Variants in DYNLT5 observed in about 807,000 individuals in gnomAD.
DYNLT5 encodes dynein light chain Tctex-type 5.
DYNLT5 carries 25 observed loss-of-function variants against 19.3 expected under a neutral mutation model. The observed-to-expected ratio is 1.30, with a 90% CI of 0.95 to 1.81. The LOEUF (loss-of-function observed/expected upper bound fraction) is 1.81. Ranked by LOEUF, DYNLT5 falls within the 40% of genes most tolerant of loss-of-function variation. DYNLT5 has a pLI of 0.00. For synonymous variants in DYNLT5, 82 were observed against 68.9 expected (o/e 1.19, Z -0.94); for missense variants, 232 against 217.9 (o/e 1.06, Z -0.41).
At chr1:66,772,512 T>G (rs897210048) in intron 3 of DYNLT5, among the ~76,000 whole-genome samples, 43 of 152,270 alleles carry the variant, frequency 2.8e-4, no homozygotes, top group African/African-American at 1.0e-3. Context: ...CATTTCAATA[T>G]GAGATTTGAA....
At position 66,769,683 on chromosome 1, in the gene DYNLT5, G is replaced by A. The variant is rs560267388; in HGVS notation, c.120-704G>A. ...TACAGCTGAATTTCCTCTGAACTAA[G>A]TTGAATTAAGTAGTGCTGGAGAGAC... On this transcript the variant is annotated intron_variant, in intron 2 of 4. Coordinates refer to ENST00000282670, the MANE Select transcript of DYNLT5 (RefSeq NM_152665.3). 6.6e-5 allele frequency among the ~76,000 whole-genome samples: 10 copies of A among 152,232 alleles called. No individual in the cohort carries two copies. The East Asian group carries it at 1.9e-3, about 29-fold the overall frequency.
rs187454060 is a variant in DYNLT5 at position 66,765,018 on chromosome 1, G to T, written c.120-5369G>T. ...CATTCTACATCCTGTTTTTTGAGCA[G>T]AAGGGCTCTTATTTTTATCTGTGTT... On this transcript the variant is annotated intron_variant, in intron 2 of 4. Coordinates refer to ENST00000282670, the MANE Select transcript of DYNLT5 (RefSeq NM_152665.3). Among the ~76,000 whole-genome samples the T allele has an allele frequency of 2.9e-4, 44 of 152,234 alleles. No individual in the cohort carries two copies. The East Asian group carries it at 7.1e-3, about 25-fold the overall frequency.
chr1:66,759,272 A>G (rs1456515666), intron 2 of DYNLT5, among the ~76,000 whole-genome samples: 1 of 152,192 alleles, frequency 6.6e-6, no homozygotes, highest in African/African-American at 2.4e-5. Flanking sequence ...GCATAGGTAA[A>G]CTCCAGATGG....
chr1:66,773,005 A>G (rs913575200), intron 3 of DYNLT5, among the ~76,000 whole-genome samples: 3 of 152,202 alleles, frequency 2.0e-5, no homozygotes, highest in African/African-American at 7.2e-5. Context: ...TATGAGACTC[A>G]AATGATGTTA....
intron 2 of DYNLT5, among the ~76,000 whole-genome samples, chr1:66,761,680 G>T (rs1364896957): frequency 6.6e-6 from 1 of 152,166 alleles, no homozygotes; most frequent in Non-Finnish European, 1.5e-5. Context: ...TTGGGAGACT[G>T]AGGCAGGAGG....
At chr1:66,770,537 T>A in intron 3 of DYNLT5, 59 bp downstream of exon 3, 1 of 1,245,686 alleles carries the variant, frequency 8.0e-7, no homozygotes, top group Non-Finnish European at 1.2e-6. Flanking sequence ...CTGATTCTCT[T>A]AAAAATGATA....
chr1:66,765,420 G>A lies in DYNLT5; in HGVS notation c.120-4967G>A, dbSNP rs751805348. Reference sequence around the variant, plus strand: ...TAGGTATAATAATAACTCTGAAAACGTATGGAAATGAGTTCTCAATAATAA... The same window carrying A: ...TAGGTATAATAATAACTCTGAAAACATATGGAAATGAGTTCTCAATAATAA... On this transcript the variant is annotated intron_variant, in intron 2 of 4. Coordinates refer to ENST00000282670, the MANE Select transcript of DYNLT5 (RefSeq NM_152665.3). Among the ~76,000 whole-genome samples the A allele has an allele frequency of 6.6e-5, 10 of 151,986 alleles. No homozygotes were observed. In the South Asian group the frequency reaches 1.2e-3, roughly 19 times the overall value.
At chr1:66,756,386 T>C (rs1166842279) in intron 2 of DYNLT5, among the ~76,000 whole-genome samples, 1 of 152,190 alleles carries the variant, frequency 6.6e-6, no homozygotes, top group Non-Finnish European at 1.5e-5. Context: ...CTGTCTGGAA[T>C]TAGACAGTAC....
intron 2 of DYNLT5, among the ~76,000 whole-genome samples, chr1:66,761,883 C>A (rs1320720835): frequency 6.6e-6 from 1 of 152,200 alleles, no homozygotes; most frequent in African/African-American, 2.4e-5. Flanking sequence ...GCATGTGATA[C>A]TGTTTGATAG....
rs759195765 is a variant in DYNLT5, at chr1:66,754,717, G to A, written c.59G>A (p.Ser20Asn). Residue 20 changes from serine to asparagine, a missense_variant, in exon 2 of 5, where the codon AGT (serine) becomes AAT (asparagine). Coordinates refer to ENST00000282670, the MANE Select transcript of DYNLT5 (RefSeq NM_152665.3). ...RAAHSWKKRG[S>N]ISSLSNHEFW... ...GCTCATTCATGGAAGAAAAGAGGGAGTATTTCTTCTCTAAGTAATCATGAA... is the reference window on the plus strand; with the variant it reads ...GCTCATTCATGGAAGAAAAGAGGGAATATTTCTTCTCTAAGTAATCATGAA... 3.7e-6 allele frequency: 6 copies of A among 1,613,358 alleles called. No individual in the cohort carries two copies. In the South Asian group the frequency reaches 6.6e-5, roughly 18 times the overall value.
rs1008453235 is a variant in DYNLT5, at chr1:66,778,439, G to A, written c.*985G>A. 3.9e-5 allele frequency: 6 copies of A among 152,526 alleles called. No homozygotes were observed. Among genetic ancestry groups the A allele is most frequent in the Non-Finnish European group, 8.8e-5 (6 of 68,012 alleles). The allele number at this position is 152,526 out of a possible 1,614,324, so 9.4% of individuals were successfully genotyped here. A position where few individuals can be genotyped will look rare whatever the true frequency, so the allele number is the denominator to read the frequency against. On this transcript the variant is annotated 3_prime_UTR_variant, in exon 5 of 5. Coordinates refer to ENST00000282670, the MANE Select transcript of DYNLT5 (RefSeq NM_152665.3). ...TATTCTGCTGGTTAATGTATCTTAC[G>A]CCACGGATCATTTATTTTTATGAAG...
At chr1:66,771,086 T>C (rs1399349842) in intron 3 of DYNLT5, among the ~76,000 whole-genome samples, 1 of 152,198 alleles carries the variant, frequency 6.6e-6, no homozygotes, top group African/African-American at 2.4e-5. Context: ...ATTACTGCTA[T>C]ATGGAAATTC....
rs1352920445 is a variant in DYNLT5 at position 66,777,313 on chromosome 1, C to T, written c.399C>T (p.His133=). The change falls in exon 5 of 5, where the codon CAC becomes CAT. Residue 133 remains histidine (H), a synonymous_variant. Transcript: ENST00000282670. ...IPRYKLIVIV[H]IGQLNRQSIL... Reference sequence around the variant, plus strand: ...GGTATAAACTAATTGTGATTGTTCACATTGGACAACTGAACAGGCAGAGCA... The same window carrying T: ...GGTATAAACTAATTGTGATTGTTCATATTGGACAACTGAACAGGCAGAGCA... The T allele has an allele frequency of 2.5e-6, 4 of 1,613,774 alleles. No individual in the cohort carries two copies. The highest frequency in any genetic ancestry group is 3.4e-6 in the Non-Finnish European group (4 of 1,179,904).
chr1:66,769,697 T>G (rs932975173), intron 2 of DYNLT5, among the ~76,000 whole-genome samples: 3 of 152,148 alleles, frequency 2.0e-5, no homozygotes, highest in African/African-American at 7.2e-5. Context: ...AATTAAGTAG[T>G]GCTGGAGAGA....
intron 2 of DYNLT5, among the ~76,000 whole-genome samples, chr1:66,765,640 C>CT (rs11399958): frequency 0.22 from 30,577 of 138,688 alleles, 3,796 homozygotes; most frequent in African/African-American, 0.35. Flanking sequence ...TTTTCTTTTT[C>CT]TTTTTTTTTT....
chr1:66,771,170 A>G (rs1230198274), intron 3 of DYNLT5, among the ~76,000 whole-genome samples: 2 of 152,212 alleles, frequency 1.3e-5, no homozygotes, highest in African/African-American at 2.4e-5. Flanking sequence ...GTTAACCCCA[A>G]GAAAATTATA....
At chr1:66,752,848 C>T (rs1467394813) in intron 1 of DYNLT5, among the ~76,000 whole-genome samples, 16 of 152,194 alleles carry the variant, frequency 1.1e-4, no homozygotes, top group Admixed American at 1.0e-3. Context: ...AAGGTCATCC[C>T]CTGACCCGGG....
intron 2 of DYNLT5, chr1:66,768,765 G>A (rs1442712050): frequency 6.6e-6 from 1 of 152,148 alleles, no homozygotes; most frequent in Non-Finnish European, 1.5e-5. Flanking sequence ...ATGCAAGTAA[G>A]TTTTAATTGC....
At position 66,754,669 on chromosome 1, in the gene DYNLT5, C is replaced by G. The variant is rs1237682962; in HGVS notation, c.11C>G (p.Ser4Ter). The change falls in exon 2 of 5, where the codon TCA becomes TGA. Residue 4 changes from serine (S) to a stop codon, truncating the protein, a stop_gained. Transcript: ENST00000282670. LOFTEE classifies it high-confidence loss of function. Reference sequence around the variant, plus strand: ...CTTCTTCCATAGGTTATGATGATGTCAGACAATGCTAAAGGCAGAGCAGCT... The same window carrying G: ...CTTCTTCCATAGGTTATGATGATGTGAGACAATGCTAAAGGCAGAGCAGCT... MMM[S>*]DNAKGRAAHS... is the part of the protein sequence containing the mutation. 6.2e-7 allele frequency: 1 copy of G among 1,608,032 alleles called. No homozygotes were observed. The highest frequency in any genetic ancestry group is 1.3e-5 in the African/African-American group (1 of 74,554).
Sources: allele counts gnomAD v4.1 joint callset (sites outside exome capture counted in the v4.1 genomes callset), GRCh38; gene constraint gnomAD v4.1.1; transcripts MANE v1.5; gene names NCBI Gene and HGNC (gene_info 2026-07-23, HGNC 2026-07-21).